PDGFD: variants seen among roughly 807,000 people sequenced by gnomAD.
The protein encoded by PDGFD is platelet derived growth factor D, also known as platelet-derived growth factor D.
Under a neutral mutation model 44.7 loss-of-function variants are expected in PDGFD, and 30 were observed. That is an observed-to-expected ratio of 0.67 (90% CI 0.50 to 0.91). The LOEUF is 0.91. Ranked by LOEUF, PDGFD falls within the 40% of genes least tolerant of loss-of-function variation. PDGFD has a pLI of 0.00. For synonymous variants in PDGFD, 173 were observed against 168.4 expected (o/e 1.03, Z -0.21); for missense variants, 445 against 457.8 (o/e 0.97, Z 0.25).
At chr11:104,109,201 T>A (rs1272771868) in intron 1 of PDGFD, among the ~76,000 whole-genome samples, 1 of 148,212 alleles carries the variant, frequency 6.7e-6, no homozygotes, top group Admixed American at 6.7e-5. Context: ...AAAGTATAAT[T>A]AAAAAAAAAA....
chr11:103,963,976 T>C (rs1858977124), intron 3 of PDGFD, among the ~76,000 whole-genome samples: 1 of 152,132 alleles, frequency 6.6e-6, no homozygotes, highest in Admixed American at 6.6e-5. Flanking sequence ...ACAAATCATT[T>C]ACCAATGCTT....
At chr11:104,159,484 T>C (rs896423786) in intron 1 of PDGFD, among the ~76,000 whole-genome samples, 3 of 152,122 alleles carry the variant, frequency 2.0e-5, no homozygotes, top group African/African-American at 7.2e-5. Context: ...AGTTCAAGAG[T>C]AATTTCCAGA....
intron 1 of PDGFD, among the ~76,000 whole-genome samples, chr11:104,065,555 T>C (rs570623200): frequency 1.1e-4 from 17 of 152,146 alleles, no homozygotes; most frequent in South Asian, 2.1e-4. Flanking sequence ...GAATGGAATA[T>C]AAAACTTCTT....
intron 3 of PDGFD, among the ~76,000 whole-genome samples, chr11:103,967,790 T>C (rs996332246): frequency 6.6e-6 from 1 of 152,198 alleles, no homozygotes; most frequent in Non-Finnish European, 1.5e-5. Context: ...TGTTTGTCCC[T>C]TGCAATCTCT....
intron 1 of PDGFD, among the ~76,000 whole-genome samples, chr11:104,001,040 G>A (rs1678851724): frequency 6.6e-6 from 1 of 152,138 alleles, no homozygotes; most frequent in African/African-American, 2.4e-5. Flanking sequence ...GATAACTTTA[G>A]GATGGGGGTC....
intron 6 of PDGFD, among the ~76,000 whole-genome samples, chr11:103,921,812 A>C (rs541150): frequency 0.53 from 76,033 of 142,888 alleles, 21,522 homozygotes; most frequent in African/African-American, 0.69. Flanking sequence ...AGAGATAGGT[A>C]TAGGCTTGTG....
chr11:104,031,888 C>A lies in PDGFD; in HGVS notation c.125-31633G>T, dbSNP rs77065062. ...AGCCATTATCCTCAGCAAACTCATACAGGAACAGAAAGCCAAACGTCTCAT... is the reference window on the plus strand; with the variant it reads ...AGCCATTATCCTCAGCAAACTCATAAAGGAACAGAAAGCCAAACGTCTCAT... On this transcript the variant is annotated intron_variant, in intron 1 of 6. Coordinates refer to ENST00000393158, the MANE Select transcript of PDGFD (RefSeq NM_025208.5). Among the ~76,000 whole-genome samples, 4 of 152,242 alleles carry A rather than the reference C, an allele frequency of 2.6e-5. No individual in the cohort carries two copies. In the East Asian group the frequency reaches 7.7e-4, roughly 29 times the overall value.
At chr11:103,997,801 T>C (rs866279005) in intron 2 of PDGFD, among the ~76,000 whole-genome samples, 1 of 152,194 alleles carries the variant, frequency 6.6e-6, no homozygotes, top group African/African-American at 2.4e-5. Flanking sequence ...GAACACATCA[T>C]TGTAACTTTA....
At chr11:104,059,948 G>C (rs1860685166) in intron 1 of PDGFD, among the ~76,000 whole-genome samples, 1 of 152,192 alleles carries the variant, frequency 6.6e-6, no homozygotes, top group Admixed American at 6.5e-5. Context: ...TCATTTCACT[G>C]TATGGGAGAT....
intron 1 of PDGFD, among the ~76,000 whole-genome samples, chr11:104,161,950 AGT>A (rs3050634): frequency 0.15 from 22,520 of 148,656 alleles, 1,940 homozygotes; most frequent in Non-Finnish European, 0.21. Context: ...AATCAAAGAG[AGT>A]GTGTGTGTGT....
chr11:104,016,538 G>A (rs1040985386), intron 1 of PDGFD, among the ~76,000 whole-genome samples: 1 of 152,182 alleles, frequency 6.6e-6, no homozygotes, highest in Non-Finnish European at 1.5e-5. Context: ...AGTTCTCCCC[G>A]AGCTGAGGCC....
intron 3 of PDGFD, among the ~76,000 whole-genome samples, chr11:103,951,304 G>A (rs1858752841): frequency 6.6e-6 from 1 of 152,156 alleles, no homozygotes; most frequent in Non-Finnish European, 1.5e-5. Flanking sequence ...TGGCAATAGG[G>A]AGGATTCACC....
chr11:103,925,130 G>A (rs902653986), intron 6 of PDGFD, among the ~76,000 whole-genome samples: 2 of 152,180 alleles, frequency 1.3e-5, no homozygotes, highest in African/African-American at 4.8e-5. Flanking sequence ...CAAAGGACGT[G>A]AACTCATCCT....
chr11:104,155,955 A>T (rs192153773), intron 1 of PDGFD, among the ~76,000 whole-genome samples: 2 of 152,304 alleles, frequency 1.3e-5, no homozygotes, highest in East Asian at 3.9e-4. Flanking sequence ...CTACATTTCA[A>T]ATCTTAAATA....
intron 1 of PDGFD, among the ~76,000 whole-genome samples, chr11:104,140,290 A>C (rs906372888): frequency 6.6e-6 from 1 of 152,176 alleles, no homozygotes; most frequent in African/African-American, 2.4e-5. Context: ...ATGTTGCTTT[A>C]ATAAGGTCCT....
At chr11:104,115,272 T>C (rs1861617155) in intron 1 of PDGFD, among the ~76,000 whole-genome samples, 1 of 148,366 alleles carries the variant, frequency 6.7e-6, no homozygotes, top group African/African-American at 2.5e-5. Flanking sequence ...TATATATATA[T>C]GTATGTATAT....
intron 1 of PDGFD, among the ~76,000 whole-genome samples, chr11:104,140,648 C>T (rs1795150286): frequency 1.3e-5 from 2 of 152,104 alleles, no homozygotes; most frequent in Admixed American, 1.3e-4. Flanking sequence ...ACTCCAATGC[C>T]AAACTCTCCC....
intron 6 of PDGFD, among the ~76,000 whole-genome samples, chr11:103,922,103 CT>C (rs1282201175): frequency 2.0e-5 from 3 of 152,006 alleles, no homozygotes; most frequent in Non-Finnish European, 4.4e-5. Context: ...CTCTTTGATG[CT>C]TCCTATGTTT....
intron 6 of PDGFD, among the ~76,000 whole-genome samples, chr11:103,915,589 A>G (rs1099401): frequency 0.55 from 84,023 of 151,670 alleles, 24,264 homozygotes; most frequent in African/African-American, 0.72. Context: ...TGGAAAAAAC[A>G]ACTTTAAATT....
Sources: allele counts gnomAD v4.1 joint callset (sites outside exome capture counted in the v4.1 genomes callset), GRCh38; gene constraint gnomAD v4.1.1; transcripts MANE v1.5; gene names NCBI Gene and HGNC (gene_info 2026-07-23, HGNC 2026-07-21).